Variants in HS6ST3 observed in about 807,000 individuals in gnomAD.
HS6ST3 encodes the protein heparan sulfate 6-O-sulfotransferase 3, also known as heparan-sulfate 6-O-sulfotransferase 3.
A neutral mutation model predicts 36.7 loss-of-function variants in HS6ST3; 12 were observed. That is an observed-to-expected ratio of 0.33 (90% CI 0.21 to 0.53). HS6ST3 has a LOEUF of 0.53. Among genes scored for constraint, HS6ST3 ranks in the 20% least tolerant of loss-of-function variants. The pLI is 0.95. For missense variants in HS6ST3, 584 were observed against 640.9 expected, an observed-to-expected ratio of 0.91 and a Z score of 0.96; for synonymous variants, 240 against 257.5, an observed-to-expected ratio of 0.93 and a Z score of 0.65.
intron 1 of HS6ST3, among the ~76,000 whole-genome samples, chr13:96,402,415 G>A (rs1423370010): frequency 6.6e-6 from 1 of 152,096 alleles, no homozygotes; most frequent in Non-Finnish European, 1.5e-5. Context: ...TTAATAATAT[G>A]GCTGATCAGT....
chr13:96,707,780 A>G (rs1875464401), intron 1 of HS6ST3, among the ~76,000 whole-genome samples: 1 of 152,230 alleles, frequency 6.6e-6, no homozygotes, highest in Non-Finnish European at 1.5e-5. Flanking sequence ...GAAAGAATGG[A>G]AGATGAATCT....
At chr13:96,679,226 G>A (rs2056709819) in intron 1 of HS6ST3, among the ~76,000 whole-genome samples, 3 of 151,180 alleles carry the variant, frequency 2.0e-5, no homozygotes, top group East Asian at 3.9e-4. Flanking sequence ...CTCTGGGTTC[G>A]AAGCATCAGT....
intron 1 of HS6ST3, among the ~76,000 whole-genome samples, chr13:96,795,684 A>T (rs914552829): frequency 6.6e-6 from 1 of 152,138 alleles, no homozygotes; most frequent in Admixed American, 6.6e-5. Flanking sequence ...TTTGCAAATT[A>T]CTTCCAGGCT....
At chr13:96,510,027 G>A (rs1378690906) in intron 1 of HS6ST3, among the ~76,000 whole-genome samples, 1 of 152,042 alleles carries the variant, frequency 6.6e-6, no homozygotes, top group Non-Finnish European at 1.5e-5. Flanking sequence ...TTTCAGCAGT[G>A]TTTTGTGGTT....
intron 1 of HS6ST3, among the ~76,000 whole-genome samples, chr13:96,215,473 A>T (rs1000164323): frequency 6.6e-6 from 1 of 152,214 alleles, no homozygotes; most frequent in African/African-American, 2.4e-5. Context: ...AGTCAAAATT[A>T]TTTCTTGGTG....
chr13:96,429,946 C>A (rs1398127606), intron 1 of HS6ST3, among the ~76,000 whole-genome samples: 1 of 152,038 alleles, frequency 6.6e-6, no homozygotes, highest in Non-Finnish European at 1.5e-5. Context: ...AGATTTAAAC[C>A]CCTTAACAAA....
chr13:96,159,220 G>A (rs1213476681), intron 1 of HS6ST3, among the ~76,000 whole-genome samples: 1 of 152,076 alleles, frequency 6.6e-6, no homozygotes, highest in Non-Finnish European at 1.5e-5. Flanking sequence ...AAGACAGGAA[G>A]GAAAGACACA....
At chr13:96,431,945 G>A (rs1566359408) in intron 1 of HS6ST3, among the ~76,000 whole-genome samples, 1 of 152,094 alleles carries the variant, frequency 6.6e-6, no homozygotes, top group Non-Finnish European at 1.5e-5. Context: ...AGCACTAAAG[G>A]TACATTCTGC....
chr13:96,147,412 ATCAT>A lies in HS6ST3; in HGVS notation c.707+55846_707+55849del, dbSNP rs772804936. Among the ~76,000 whole-genome samples, 32 of 152,244 alleles carry A rather than the reference ATCAT, an allele frequency of 2.1e-4. 1 individual carries two copies. The highest frequency in any genetic ancestry group is 3.8e-4 in the Non-Finnish European group (26 of 68,050). On this transcript the variant is annotated intron_variant, in intron 1 of 1. Transcript: ENST00000376705. ...TAATGAAACTGAAGAGTCACTAACC[ATCAT>A]TCTGCAGCAGGTCCTGCAATAAGTT...
chr13:96,308,128 T>TC (rs2054922626), intron 1 of HS6ST3, among the ~76,000 whole-genome samples: 1 of 152,128 alleles, frequency 6.6e-6, no homozygotes, highest in South Asian at 2.1e-4. Flanking sequence ...TTTCAGTCTA[T>TC]AAGAAAATAG....
chr13:96,708,993 C>T (rs1286151519), intron 1 of HS6ST3, among the ~76,000 whole-genome samples: 1 of 152,098 alleles, frequency 6.6e-6, no homozygotes, highest in African/African-American at 2.4e-5. Context: ...GGCTCTGTGT[C>T]CCCAGCCAAA....
At chr13:96,304,349 T>C (rs938500892) in intron 1 of HS6ST3, among the ~76,000 whole-genome samples, 2 of 152,190 alleles carry the variant, frequency 1.3e-5, no homozygotes, top group Non-Finnish European at 2.9e-5. Context: ...AAATATTTTC[T>C]TCTCAATTCT....
At chr13:96,365,185 G>T (rs2055257056) in intron 1 of HS6ST3, among the ~76,000 whole-genome samples, 1 of 152,170 alleles carries the variant, frequency 6.6e-6, no homozygotes, top group Non-Finnish European at 1.5e-5. Context: ...CCTGGGCAGA[G>T]ATGTTTTAGA....
At chr13:96,596,186 G>A (rs764111386) in intron 1 of HS6ST3, among the ~76,000 whole-genome samples, 7 of 152,032 alleles carry the variant, frequency 4.6e-5, no homozygotes, top group Non-Finnish European at 8.8e-5. Flanking sequence ...TTATACATAA[G>A]AACATATGGT....
At chr13:96,765,577 GCTCTCTCTCTTTCTCTCT>G (rs1008468254) in intron 1 of HS6ST3, among the ~76,000 whole-genome samples, 7 of 127,138 alleles carry the variant, frequency 5.5e-5, no homozygotes, top group African/African-American at 2.2e-4. Flanking sequence ...AGATGTATGC[GCTCTCTCTCTTTCTCTCT>G]CTCTCTCTCT....
chr13:96,144,642 A>C (rs1022984730), intron 1 of HS6ST3, among the ~76,000 whole-genome samples: 1 of 151,656 alleles, frequency 6.6e-6, no homozygotes, highest in African/African-American at 2.4e-5. Flanking sequence ...TATTTAATTA[A>C]TTTTTATTAT....
At chr13:96,571,856 G>A (rs1266155225) in intron 1 of HS6ST3, among the ~76,000 whole-genome samples, 1 of 152,188 alleles carries the variant, frequency 6.6e-6, no homozygotes, top group African/African-American at 2.4e-5. Context: ...TCCATGAAAT[G>A]CTGAAAACAA....
intron 1 of HS6ST3, among the ~76,000 whole-genome samples, chr13:96,680,726 T>C (rs180880019): frequency 5.2e-4 from 79 of 152,316 alleles, no homozygotes; most frequent in African/African-American, 1.7e-3. Flanking sequence ...GACATAAGCA[T>C]CTTCCCTTCT....
At chr13:96,147,451 A>C (rs2054063733) in intron 1 of HS6ST3, among the ~76,000 whole-genome samples, 1 of 152,216 alleles carries the variant, frequency 6.6e-6, no homozygotes, top group Non-Finnish European at 1.5e-5. Flanking sequence ...TGTTTTGTTC[A>C]ATGTTGCTTC....
Sources: allele counts gnomAD v4.1 joint callset (sites outside exome capture counted in the v4.1 genomes callset), GRCh38; gene constraint gnomAD v4.1.1; transcripts MANE v1.5; gene names NCBI Gene and HGNC (gene_info 2026-07-23, HGNC 2026-07-21).